Variants in KTN1 observed in about 807,000 individuals in gnomAD.
KTN1 encodes the protein kinectin 1, also known as kinectin.
In KTN1, 130 loss-of-function variants were observed where a neutral mutation model predicts 222.5. The ratio of observed to expected loss-of-function variants is 0.58; its 90% CI spans 0.51 to 0.68. The LOEUF (loss-of-function observed/expected upper bound fraction) is 0.68, where lower values mean the gene tolerates loss of function less well. KTN1 is among the 30% of genes least tolerant of loss of function. The probability of loss-of-function intolerance (pLI) is 0.00; values close to 1 mark genes in which losing one functional copy is unlikely to be tolerated. For missense variants in KTN1, 1,508 were observed against 1,500.4 expected, an observed-to-expected ratio of 1.01 and a Z score of -0.08; for synonymous variants, 512 against 496.3, an observed-to-expected ratio of 1.03 and a Z score of -0.42.
intron 29 of KTN1, among the ~76,000 whole-genome samples, 170 bp from the exon 30 acceptor site, chr14:55,658,376 T>G (rs996876794): frequency 6.6e-6 from 1 of 152,248 alleles, no homozygotes; most frequent in Non-Finnish European, 1.5e-5. Context: ...AGTACTAATA[T>G]AAATACTCTA....
intron 18 of KTN1, among the ~76,000 whole-genome samples, chr14:55,642,907 C>CT (rs769637380): frequency 2.1e-3 from 309 of 143,934 alleles, no homozygotes; most frequent in Middle Eastern, 7.4e-3. Flanking sequence ...AAGGCTTATT[C>CT]TTTTTTTTTT....
At chr14:55,635,595 C>T (rs1323752453) in intron 9 of KTN1, among the ~76,000 whole-genome samples, 2 of 152,172 alleles carry the variant, frequency 1.3e-5, no homozygotes, top group Non-Finnish European at 2.9e-5. Flanking sequence ...CATGGCTTTG[C>T]TCAGGCTGAC....
intron 42 of KTN1, 35 bp from the exon 43 acceptor site, chr14:55,679,530 T>G (rs1469363614): frequency 7.1e-6 from 11 of 1,559,980 alleles, no homozygotes; most frequent in Middle Eastern, 1.7e-4. Flanking sequence ...TTTCCTTGTG[T>G]ATGGAGTTTA....
chr14:55,611,996 TC>T, intron 1 of KTN1, 22 bp from the exon 2 acceptor site: 1 of 1,020,766 alleles, frequency 9.8e-7, no homozygotes, highest in Non-Finnish European at 1.3e-6. Flanking sequence ...TTTTTTTTTG[TC>T]CCCACCTTCT....
chr14:55,650,365 G>A lies in KTN1; in HGVS notation c.2443G>A (p.Glu815Lys), dbSNP rs370535364. 14 of 1,610,780 alleles carry A rather than the reference G, an allele frequency of 8.7e-6. No homozygotes were observed. The highest frequency in any genetic ancestry group is 5.4e-5 in the African/African-American group (4 of 74,702). Residue 815 changes from glutamate (E) to lysine (K), a missense_variant, in exon 23 of 44, where the codon GAG (glutamate) becomes AAG (lysine). By Grantham distance (56) the Glu-to-Lys change is moderately conservative (BLOSUM62 1). Coordinates refer to ENST00000395314, the MANE Select transcript of KTN1 (RefSeq NM_001079521.2). ...AGATGGAAAGATCAAGTCTGTAGAA[G>A]AGCTTCTGGAGGCAGAACTTCTCAA... ...EKDGKIKSVE[E>K]LLEAELLKVA...
Position 55,616,511 on chromosome 14 carries a change from A to T in KTN1, c.524-6A>T. 1 of 1,567,182 alleles carries T rather than the reference A, an allele frequency of 6.4e-7. No individual in the cohort carries two copies. Among genetic ancestry groups the T allele is most frequent in the African/African-American group, 1.4e-5 (1 of 72,116 alleles). The stretch of plus-strand genomic sequence containing the variant: ...CAATTATTTTTTTTGTTTGTGTTTA[A>T]TAAAGATGACCAGGATAAAAAGGTG... On this transcript the variant is annotated splice_region_variant and splice_polypyrimidine_tract_variant and intron_variant, in intron 2 of 43. Transcript: ENST00000395314.
At chr14:55,592,411 C>T (rs1486461789) in intron 1 of KTN1, among the ~76,000 whole-genome samples, 2 of 152,188 alleles carry the variant, frequency 1.3e-5, no homozygotes, top group African/African-American at 2.4e-5. Flanking sequence ...GCATCTACAA[C>T]TTACTTTTAG....
In KTN1 at chr14:55,653,091, G is replaced by T. The variant is rs1169099222; in HGVS notation, c.2763+6G>T. Reference sequence around the variant, plus strand: ...CACAACATAACTTGAAAGAGGTATAGTATAAACAAATTACCAACATGTTAC... The same window carrying T: ...CACAACATAACTTGAAAGAGGTATATTATAAACAAATTACCAACATGTTAC... On this transcript the variant is annotated splice_donor_region_variant and intron_variant, in intron 27 of 43. Transcript: ENST00000395314. 6 of 1,539,114 alleles carry T rather than the reference G, an allele frequency of 3.9e-6. No individual in the cohort carries two copies. The South Asian group carries it at 6.9e-5, about 18-fold the overall frequency.
intron 7 of KTN1, among the ~76,000 whole-genome samples, chr14:55,631,434 A>G (rs1455942991): frequency 1.3e-5 from 2 of 148,694 alleles, no homozygotes; most frequent in Admixed American, 1.4e-4. Context: ...TATTATCTTT[A>G]TGCTTGAATC....
intron 2 of KTN1, among the ~76,000 whole-genome samples, chr14:55,614,509 A>G (rs1463277922): frequency 6.6e-6 from 1 of 152,138 alleles, no homozygotes. Context: ...GCAAACTGCA[A>G]CCTGTGAGCC....
intron 1 of KTN1, among the ~76,000 whole-genome samples, chr14:55,605,622 T>A (rs1025621654): frequency 2.4e-4 from 37 of 152,152 alleles, no homozygotes; most frequent in African/African-American, 8.9e-4. Context: ...TGGATAAAAA[T>A]TTTTAAGTAA....
At chr14:55,633,920 C>T (rs866318968) in intron 8 of KTN1, among the ~76,000 whole-genome samples, 54 of 152,108 alleles carry the variant, frequency 3.6e-4, no homozygotes, top group Admixed American at 1.4e-3. Flanking sequence ...AGGCGGATCA[C>T]CTGAGGTCAG....
At chr14:55,608,935 A>G (rs2037149554) in intron 1 of KTN1, among the ~76,000 whole-genome samples, 1 of 151,982 alleles carries the variant, frequency 6.6e-6, no homozygotes. Context: ...CAGCCTGTGA[A>G]CATCTTTCTA....
chr14:55,671,719 G>T, intron 36 of KTN1, 64 bp downstream of exon 36: 1 of 1,525,238 alleles, frequency 6.6e-7, no homozygotes, highest in Non-Finnish European at 9.1e-7. Flanking sequence ...TTCCTTCATG[G>T]CCTAAATAGT....
At chr14:55,683,758 G>T in intron 43 of KTN1, 2 of 233,734 alleles carry the variant, frequency 8.6e-6, no homozygotes, top group Non-Finnish European at 1.6e-5. Context: ...TTATTCACTG[G>T]GGTAAGGTTG....
At chr14:55,644,901 T>C (rs956100599) in intron 18 of KTN1, among the ~76,000 whole-genome samples, 8 of 152,130 alleles carry the variant, frequency 5.3e-5, no homozygotes, top group Non-Finnish European at 1.0e-4. Context: ...AAGAATACTT[T>C]CTAAACTGGA....
chr14:55,584,081 A>G (rs773304873), intron 1 of KTN1, among the ~76,000 whole-genome samples: 3 of 152,138 alleles, frequency 2.0e-5, no homozygotes, highest in Non-Finnish European at 2.9e-5. Flanking sequence ...AGTCTTTCCA[A>G]CACAACAACT....
intron 3 of KTN1, among the ~76,000 whole-genome samples, chr14:55,617,181 A>G (rs763569570): frequency 2.0e-4 from 31 of 152,236 alleles, no homozygotes; most frequent in Non-Finnish European, 3.5e-4. Context: ...ATTATGACAT[A>G]TCAATTAGGT....
chr14:55,635,525 G>A (rs1223794644), intron 9 of KTN1, among the ~76,000 whole-genome samples: 3 of 152,160 alleles, frequency 2.0e-5, no homozygotes, highest in Admixed American at 6.5e-5. Flanking sequence ...GTCACATACT[G>A]TATCTTTAGA....
Sources: gnomAD v4.1 joint callset for allele counts (sites outside exome capture counted in the v4.1 genomes callset) on GRCh38, gnomAD v4.1.1 for gene constraint, MANE v1.5 for transcripts, NCBI Gene and HGNC (gene_info 2026-07-23, HGNC 2026-07-21) for gene names.